The following NSMCE2 variants were observed in gnomAD, a reference collection of about 807,000 sequenced individuals.
NSMCE2 encodes the protein E3 SUMO-protein ligase NSE2.
In NSMCE2, 24 loss-of-function variants were observed where a neutral mutation model predicts 23.8. The observed-to-expected ratio is 1.01, with a 90% CI of 0.73 to 1.42. The LOEUF is 1.42. Ranked by LOEUF, NSMCE2 falls within the 40% of genes most tolerant of loss-of-function variation. The probability of loss-of-function intolerance (pLI) is 0.00; values close to 1 mark genes in which losing one functional copy is unlikely to be tolerated. For missense variants in NSMCE2, 284 were observed against 296.5 expected (o/e 0.96, Z 0.31); for synonymous variants, 92 against 94.1 (o/e 0.98, Z 0.13).
intron 3 of NSMCE2, among the ~76,000 whole-genome samples, chr8:125,150,426 C>CTTTTTTTTTTTTTTTTT (rs71295819): frequency 1.3e-4 from 8 of 61,848 alleles, no homozygotes; most frequent in Admixed American, 2.5e-4. Flanking sequence ...TTCTTTCTTT[C>CTTTTTTTTTTTTTTTTT]TTTTTTTTTT....
At chr8:125,118,394 A>AACAC (rs144897558) in intron 3 of NSMCE2, among the ~76,000 whole-genome samples, 2 of 151,712 alleles carry the variant, frequency 1.3e-5, no homozygotes, top group African/African-American at 4.8e-5. Flanking sequence ...CAAACAAACA[A>AACAC]ACACACACAC....
chr8:125,147,540 T>C (rs1820757809), intron 3 of NSMCE2, among the ~76,000 whole-genome samples: 1 of 152,134 alleles, frequency 6.6e-6, no homozygotes, highest in African/African-American at 2.4e-5. Context: ...AAGAAGGAAA[T>C]CCTTCTAGGC....
At chr8:125,272,791 A>ACACACACGTATATATATACACACG (rs1491132511) in intron 5 of NSMCE2, among the ~76,000 whole-genome samples, 1 of 141,938 alleles carries the variant, frequency 7.0e-6, no homozygotes, top group African/African-American at 2.6e-5. Context: ...ATATATACAC[A>ACACACACGTATATATATACACACG]TGTGTATATA....
intron 5 of NSMCE2, among the ~76,000 whole-genome samples, chr8:125,255,458 A>G (rs1015515784): frequency 2.0e-5 from 3 of 152,142 alleles, no homozygotes; most frequent in Non-Finnish European, 4.4e-5. Flanking sequence ...AGACTCCCTC[A>G]ATGAATGAGA....
chr8:125,108,689 G>C (rs1243287871), intron 3 of NSMCE2, among the ~76,000 whole-genome samples: 1 of 152,180 alleles, frequency 6.6e-6, no homozygotes, highest in East Asian at 1.9e-4. Context: ...CTTAGAAGAA[G>C]GGCCTGTGAT....
chr8:125,100,509 A>C (rs1446992479), intron 1 of NSMCE2, among the ~76,000 whole-genome samples: 1 of 152,086 alleles, frequency 6.6e-6, no homozygotes, highest in East Asian at 1.9e-4. Flanking sequence ...TTTATGTTTT[A>C]TCTCTGTCTC....
At chr8:125,178,039 C>G (rs1822582295) in intron 4 of NSMCE2, among the ~76,000 whole-genome samples, 1 of 152,194 alleles carries the variant, frequency 6.6e-6, no homozygotes, top group African/African-American at 2.4e-5. Flanking sequence ...GCTTCTAAAA[C>G]AGCATCCCAG....
intron 1 of NSMCE2, among the ~76,000 whole-genome samples, chr8:125,094,241 G>A (rs1040131721): frequency 2.6e-5 from 4 of 152,148 alleles, no homozygotes; most frequent in African/African-American, 4.8e-5. Flanking sequence ...TGTTTGTGAA[G>A]CACTGCTAAC....
rs78863581 is a variant in NSMCE2 at position 125,172,201 on chromosome 8, C to T, written c.265-9902C>T. 9.0e-3 allele frequency among the ~76,000 whole-genome samples: 1,371 copies of T among 152,300 alleles called. 7 individuals are homozygous for T. Among genetic ancestry groups the T allele is most frequent in the South Asian group, 0.03 (144 of 4,824 alleles). ...TCCAGGGTCTGTTGCCAGCCACCCT[C>T]TGTGCTGCACCTCCCTCGTGTCATT... On this transcript the variant is annotated intron_variant, in intron 4 of 7. Coordinates refer to ENST00000287437, the MANE Select transcript of NSMCE2 (RefSeq NM_173685.4).
intron 5 of NSMCE2, among the ~76,000 whole-genome samples, chr8:125,273,384 G>C (rs1827311626): frequency 1.3e-5 from 2 of 152,180 alleles, no homozygotes; most frequent in Non-Finnish European, 2.9e-5. Context: ...AGTGATAAAA[G>C]TTATTATGGA....
chr8:125,366,528 A>C (rs138986212), intron 7 of NSMCE2, among the ~76,000 whole-genome samples: 2,006 of 152,248 alleles, frequency 0.013, 14 homozygotes, highest in Middle Eastern at 0.024. Context: ...TCTCAGAAAA[A>C]AAAAAGAAAG....
chr8:125,322,510 A>G (rs966165490), intron 5 of NSMCE2, among the ~76,000 whole-genome samples: 1 of 152,234 alleles, frequency 6.6e-6, no homozygotes, highest in Non-Finnish European at 1.5e-5. Flanking sequence ...AAGCCTACAT[A>G]TAACATCATA....
At chr8:125,190,722 A>T (rs957601006) in intron 5 of NSMCE2, among the ~76,000 whole-genome samples, 6 of 152,128 alleles carry the variant, frequency 3.9e-5, no homozygotes, top group African/African-American at 1.4e-4. Flanking sequence ...TTCCTATTGG[A>T]TGATAGTTAT....
chr8:125,352,290 C>T (rs1218963871), intron 5 of NSMCE2, among the ~76,000 whole-genome samples: 3 of 151,976 alleles, frequency 2.0e-5, no homozygotes, highest in Non-Finnish European at 4.4e-5. Flanking sequence ...CCAGCCTGAC[C>T]AACATGGAGA....
chr8:125,179,840 A>T (rs1180892290), intron 4 of NSMCE2, among the ~76,000 whole-genome samples: 1 of 152,210 alleles, frequency 6.6e-6, no homozygotes, highest in Admixed American at 6.5e-5. Context: ...AACTGTGGGA[A>T]TTAAGTAGGT....
intron 5 of NSMCE2, among the ~76,000 whole-genome samples, chr8:125,207,075 A>T (rs1824146086): frequency 6.6e-6 from 1 of 152,174 alleles, no homozygotes; most frequent in South Asian, 2.1e-4. Context: ...AATTATTCAT[A>T]CTTTTCATAT....
intron 5 of NSMCE2, among the ~76,000 whole-genome samples, chr8:125,226,842 G>T (rs1825118167): frequency 6.6e-6 from 1 of 152,086 alleles, no homozygotes; most frequent in African/African-American, 2.4e-5. Flanking sequence ...GGCTATTTCT[G>T]CTTTCTCCCT....
intron 5 of NSMCE2, among the ~76,000 whole-genome samples, chr8:125,247,251 T>G (rs1408599546): frequency 6.6e-6 from 1 of 151,922 alleles, no homozygotes; most frequent in Non-Finnish European, 1.5e-5. Context: ...GAAGATTACC[T>G]GAGCCCAGGA....
At chr8:125,286,385 T>C (rs1471145885) in intron 5 of NSMCE2, among the ~76,000 whole-genome samples, 1 of 151,414 alleles carries the variant, frequency 6.6e-6, no homozygotes, top group Non-Finnish European at 1.5e-5. Flanking sequence ...CAGTCTCGGC[T>C]CACTGCAACC....
Sources: gnomAD v4.1 joint callset for allele counts (sites outside exome capture counted in the v4.1 genomes callset) on GRCh38, gnomAD v4.1.1 for gene constraint, MANE v1.5 for transcripts, NCBI Gene and HGNC (gene_info 2026-07-23, HGNC 2026-07-21) for gene names.